Variants in CRCT1 observed in about 807,000 individuals in gnomAD.
The protein encoded by CRCT1 is cysteine rich C-terminal 1, also known as cysteine-rich C-terminal protein 1.
For missense variants in CRCT1, 160 were observed against 136.3 expected, an observed-to-expected ratio of 1.17 and a Z score of -0.87; for synonymous variants, 86 against 60.3, an observed-to-expected ratio of 1.43 and a Z score of -1.98.
At chr1:152,514,791 GCTCC>G (rs1414809084) in intron 1 of CRCT1, among the ~76,000 whole-genome samples, 4 of 152,330 alleles carry the variant, frequency 2.6e-5, no homozygotes, top group Admixed American at 2.6e-4. Flanking sequence ...AGGTCTTTCA[GCTCC>G]CTGGATGGGG....
Position 152,515,525 on chromosome 1 carries a change from G to A in CRCT1, c.142G>A (p.Gly48Ser), listed in dbSNP as rs980170643. ...CTGCGGCTCCGGCAGGGGCTGCTGC[G>A]GCGACTCAGGCTGCTGCGGCTCCAG... ...SCCGSGRGCC[G>S]DSGCCGSSST... Residue 48 changes from glycine to serine, a missense_variant, in exon 2 of 2, where the codon GGC (glycine) becomes AGC (serine). Transcript: ENST00000368790. The A allele has an allele frequency of 1.9e-6, 3 of 1,596,322 alleles. No homozygotes were observed. The highest frequency in any genetic ancestry group is 1.3e-5 in the African/African-American group (1 of 74,590).
rs895490562 is a variant in CRCT1, at chr1:152,515,963, G to T, written c.*280G>T. 2.5e-5 allele frequency: 10 copies of T among 392,800 alleles called. No individual in the cohort carries two copies. Among genetic ancestry groups the T allele is most frequent in the African/African-American group, 4.2e-5 (2 of 47,994 alleles). The allele number at this position is 392,800 out of a possible 1,614,324, so 24.3% of individuals were successfully genotyped here. ...GTGCTCAGCAAATGTCTATTGATTTGATTGTCTTTTGAAGATGTCATAATA... is the reference window on the plus strand; with the variant it reads ...GTGCTCAGCAAATGTCTATTGATTTTATTGTCTTTTGAAGATGTCATAATA... On this transcript the variant is annotated 3_prime_UTR_variant, in exon 2 of 2. Transcript: ENST00000368790.
chr1:152,515,283 G>A lies in CRCT1; in HGVS notation c.-22-79G>A, dbSNP rs937130771. The A allele has an allele frequency of 7.3e-5, 93 of 1,270,588 alleles. No individual in the cohort carries two copies. The African/African-American group carries it at 1.2e-3, about 16-fold the overall frequency. 78.7% of individuals were successfully genotyped at this position (1,270,588 alleles called of 1,614,324 possible). On this transcript the variant is annotated intron_variant, in intron 1 of 1. Coordinates refer to ENST00000368790, the MANE Select transcript of CRCT1 (RefSeq NM_019060.3). ...GCCAGGCTGACTTGTACACTAAGCC[G>A]AATCTCAAAAGCCCAGACAGAGTTC...
Position 152,515,697 on chromosome 1 carries a change from C to T in CRCT1, c.*14C>T, listed in dbSNP as rs1011668697. The T allele has an allele frequency of 2.0e-6, 3 of 1,480,716 alleles. No homozygotes were observed. Among genetic ancestry groups the T allele is most frequent in the Admixed American group, 2.3e-5 (1 of 42,744 alleles). 91.7% of individuals were successfully genotyped at this position (1,480,716 alleles called of 1,614,324 possible). On this transcript the variant is annotated 3_prime_UTR_variant, in exon 2 of 2. Transcript: ENST00000368790. ...TCCGGCTGCTGAGAGGCCCGCAACCCCCAGCGCTGCGCTAGAGAAACCCGC... is the reference window on the plus strand; with the variant it reads ...TCCGGCTGCTGAGAGGCCCGCAACCTCCAGCGCTGCGCTAGAGAAACCCGC...
rs1658745043 is a variant in CRCT1, at chr1:152,515,965, T to C, written c.*282T>C. On this transcript the variant is annotated 3_prime_UTR_variant, in exon 2 of 2. Coordinates refer to ENST00000368790, the MANE Select transcript of CRCT1 (RefSeq NM_019060.3). Reference sequence around the variant, plus strand: ...GCTCAGCAAATGTCTATTGATTTGATTGTCTTTTGAAGATGTCATAATAAA... The same window carrying C: ...GCTCAGCAAATGTCTATTGATTTGACTGTCTTTTGAAGATGTCATAATAAA... The C allele has an allele frequency of 2.6e-6, 1 of 389,046 alleles. No individual in the cohort carries two copies. 24.1% of individuals were successfully genotyped at this position (389,046 alleles called of 1,614,324 possible). A position where few individuals can be genotyped will look rare whatever the true frequency, so the allele number is the denominator to read the frequency against.
intron 1 of CRCT1, among the ~76,000 whole-genome samples, chr1:152,515,000 G>A (rs1277907266): frequency 1.3e-5 from 2 of 152,194 alleles, no homozygotes; most frequent in Non-Finnish European, 2.9e-5. Context: ...AGGTCGGTAG[G>A]AAAGTAAAAT....
At chr1:152,514,685 A>G (rs1658697607) in intron 1 of CRCT1, 133 bp downstream of exon 1, 1 of 152,298 alleles carries the variant, frequency 6.6e-6, no homozygotes, top group East Asian at 1.9e-4. Flanking sequence ...TAGTGAGCCA[A>G]CCTCTTAAGG....
chr1:152,514,582 G>A (rs976175610), intron 1 of CRCT1, 30 bp downstream of exon 1: 1 of 152,274 alleles, frequency 6.6e-6, no homozygotes, highest in Non-Finnish European at 1.5e-5. Flanking sequence ...CTGGGGGAGA[G>A]GGTGGGATGA....
chr1:152,515,282 C>T, intron 1 of CRCT1, 80 bp from the exon 2 acceptor site: 2 of 1,255,466 alleles, frequency 1.6e-6, no homozygotes, highest in Non-Finnish European at 2.2e-6. Context: ...TACACTAAGC[C>T]GAATCTCAAA....
Position 152,515,433 on chromosome 1 carries a change from C to A in CRCT1, c.50C>A (p.Ser17Ter), listed in dbSNP as rs762278114. Residue 17 changes from serine to a stop codon, truncating the protein, a stop_gained, in exon 2 of 2, where the codon TCG becomes TAG. Transcript: ENST00000368790. LOFTEE classifies it low-confidence loss of function (END_TRUNC). ...TCCGCCAAAGGCTTTTCCAAGGGGT[C>A]GTCCCAGGGCCCCGCTCCGTGTCCC... Reference protein sequence around the residue: ...AVSAKGFSKGSSQGPAPCPAP... With the variant: ...AVSAKGFSKG The A allele has an allele frequency of 3.2e-6, 5 of 1,585,110 alleles. No homozygotes were observed. Among genetic ancestry groups the A allele is most frequent in the Admixed American group, 1.8e-5 (1 of 55,270 alleles).
Position 152,515,844 on chromosome 1 carries a change from C to A in CRCT1, c.*161C>A. 8.3e-7 allele frequency: 1 copy of A among 1,199,624 alleles called. No homozygotes were observed. Among genetic ancestry groups the A allele is most frequent in the African/African-American group, 1.6e-5 (1 of 62,150 alleles). The allele number at this position is 1,199,624 out of a possible 1,614,324, so 74.3% of individuals were successfully genotyped here. A position where few individuals can be genotyped will look rare whatever the true frequency, so the allele number is the denominator to read the frequency against. ...CCACTTTGTTCTCAGCCACGCAAAA[C>A]TCCCTGACCCCGATGTGATTTTTCT... On this transcript the variant is annotated 3_prime_UTR_variant, in exon 2 of 2. Coordinates refer to ENST00000368790, the MANE Select transcript of CRCT1 (RefSeq NM_019060.3).
At position 152,515,483 on chromosome 1, in the gene CRCT1, G is replaced by A; in HGVS notation, c.100G>A (p.Ala34Thr). 3 of 1,582,232 alleles carry A rather than the reference G, an allele frequency of 1.9e-6. No individual in the cohort carries two copies. Among genetic ancestry groups the A allele is most frequent in the South Asian group, 1.1e-5 (1 of 89,282 alleles). ...CGCCCCGGCGCCCACCCCGGCGCCC[G>A]CCTCCTCCTCCTCCTGCTGCGGCTC... The part of the protein sequence containing the change: ...CPAPAPTPAP[A>T]SSSSCCGSGR... The change falls in exon 2 of 2, where the codon GCC (alanine) becomes ACC (threonine). Residue 34 changes from alanine (A) to threonine (T), a missense_variant. Physicochemically the swap from Ala to Thr is moderately conservative, Grantham distance 58. Transcript: ENST00000368790.
chr1:152,515,948 A>G lies in CRCT1; in HGVS notation c.*265A>G. On this transcript the variant is annotated 3_prime_UTR_variant, in exon 2 of 2. Coordinates refer to ENST00000368790, the MANE Select transcript of CRCT1 (RefSeq NM_019060.3). ...GCTTGCACACAGCAGGTGCTCAGCA[A>G]ATGTCTATTGATTTGATTGTCTTTT... 1 of 429,712 alleles carries G rather than the reference A, an allele frequency of 2.3e-6. No individual in the cohort carries two copies. The highest frequency in any genetic ancestry group is 4.2e-6 in the Non-Finnish European group (1 of 240,456). 26.6% of individuals were successfully genotyped at this position (429,712 alleles called of 1,614,324 possible).
chr1:152,515,301 C>A (rs1658713058), intron 1 of CRCT1, 61 bp from the exon 2 acceptor site: 2 of 1,377,938 alleles, frequency 1.5e-6, no homozygotes, highest in South Asian at 1.4e-5. Flanking sequence ...AAAGCCCAGA[C>A]AGAGTTCCAT....
Position 152,514,489 on chromosome 1 carries a change from T to G in CRCT1, c.-86T>G, listed in dbSNP as rs576374202. The G allele has an allele frequency of 6.6e-6, 1 of 152,322 alleles. No individual in the cohort carries two copies. Among genetic ancestry groups the G allele is most frequent in the East Asian group, 1.9e-4 (1 of 5,168 alleles). 9.4% of individuals were successfully genotyped at this position (152,322 alleles called of 1,614,324 possible). On this transcript the variant is annotated 5_prime_UTR_variant, in exon 1 of 2. Coordinates refer to ENST00000368790, the MANE Select transcript of CRCT1 (RefSeq NM_019060.3). ...TCTGGCTGGACGCTGCTCAATCCAC[T>G]GCCTAGCAGGTGGCCCATTCCAGTT...
Position 152,515,720 on chromosome 1 carries a change from C to T in CRCT1, c.*37C>T, listed in dbSNP as rs1042793258. The T allele has an allele frequency of 6.9e-6, 10 of 1,444,594 alleles. No homozygotes were observed. Among genetic ancestry groups the T allele is most frequent in the Middle Eastern group, 2.6e-4 (1 of 3,888 alleles). The allele number at this position is 1,444,594 out of a possible 1,614,324, so 89.5% of individuals were successfully genotyped here. ...CCCCCAGCGCTGCGCTAGAGAAACCCGCCCAGCCCAGAGCGGGCCCGCCCC... is the reference window on the plus strand; with the variant it reads ...CCCCCAGCGCTGCGCTAGAGAAACCTGCCCAGCCCAGAGCGGGCCCGCCCC... On this transcript the variant is annotated 3_prime_UTR_variant, in exon 2 of 2. Coordinates refer to ENST00000368790, the MANE Select transcript of CRCT1 (RefSeq NM_019060.3).
In CRCT1 at chr1:152,515,639, C is replaced by CA; in HGVS notation, c.257dup (p.Arg87AlafsTer24). The CA allele has an allele frequency of 6.3e-7, 1 of 1,576,796 alleles. No individual in the cohort carries two copies. The stretch of plus-strand genomic sequence containing the variant: ...CTGCGGGGGCGGCAGCCAGAGGTCC[C>CA]AGCGCTCCAACAACCGGAGCTCAGG... On this transcript the variant is annotated frameshift_variant, in exon 2 of 2. Transcript: ENST00000368790. LOFTEE classifies it high-confidence loss of function.
rs138513806 is a variant in CRCT1, at chr1:152,515,421, T to C, written c.38T>C (p.Phe13Ser). ...SQQSAVSAKG[F>S]SKGSSQGPAP... The stretch of plus-strand genomic sequence containing the variant: ...CAGAGCGCCGTTTCCGCCAAAGGCT[T>C]TTCCAAGGGGTCGTCCCAGGGCCCC... Residue 13 changes from phenylalanine to serine, a missense_variant, in exon 2 of 2, where the codon TTT becomes TCT. Physicochemically the swap from Phe to Ser is radical, Grantham distance 155 (BLOSUM62 -2). Transcript: ENST00000368790. 8.9e-6 allele frequency: 14 copies of C among 1,574,710 alleles called. No individual in the cohort carries two copies. The highest frequency in any genetic ancestry group is 8.2e-5 in the African/African-American group (6 of 73,098).
chr1:152,515,381 G>T lies in CRCT1; in HGVS notation c.-3G>T. 6.6e-7 allele frequency: 1 copy of T among 1,512,472 alleles called. No individual in the cohort carries two copies. The highest frequency in any genetic ancestry group is 1.3e-5 in the South Asian group (1 of 76,336). The allele number at this position is 1,512,472 out of a possible 1,614,324, so 93.7% of individuals were successfully genotyped here. The stretch of plus-strand genomic sequence containing the variant: ...TTCCAGGTTTGTCGTGAGGAGCTCC[G>T]CGATGTCCTCTCAACAGAGCGCCGT... On this transcript the variant is annotated 5_prime_UTR_variant, in exon 2 of 2. Transcript: ENST00000368790.
Sources: gnomAD v4.1 joint callset for allele counts (sites outside exome capture counted in the v4.1 genomes callset) on GRCh38, gnomAD v4.1.1 for gene constraint, MANE v1.5 for transcripts, NCBI Gene and HGNC (gene_info 2026-07-23, HGNC 2026-07-21) for gene names.